The following PCGF5 variants were observed in gnomAD, a reference collection of about 807,000 sequenced individuals.
PCGF5 encodes polycomb group ring finger 5, also known as polycomb group RING finger protein 5.
In PCGF5, 9 loss-of-function variants were observed where a neutral mutation model predicts 44.3. That is an observed-to-expected ratio of 0.20 (90% CI 0.12 to 0.35). The LOEUF is 0.35. PCGF5 is among the 10% of genes least tolerant of loss of function. The probability of loss-of-function intolerance (pLI) is 1.00; values close to 1 mark genes in which losing one functional copy is unlikely to be tolerated. For synonymous variants in PCGF5, 95 were observed against 102.5 expected (o/e 0.93, Z 0.44); for missense variants, 146 against 305.3 (o/e 0.48, Z 3.89).
chr10:91,218,920 GCCAGGCCTATTATTATTTTTTTAA>G (rs2133266804), upstream of PCGF5, among the ~76,000 whole-genome samples: 1 of 152,256 alleles, frequency 6.6e-6, no homozygotes, highest in East Asian at 1.9e-4. Context: ...GAGCCACCGT[GCCAGGCCTATTATTATTTTTTTAA>G]CCAGACAAAT....
chr10:91,245,981 C>G (rs185863328), intron 3 of PCGF5, among the ~76,000 whole-genome samples: 6 of 152,180 alleles, frequency 3.9e-5, no homozygotes, highest in Admixed American at 2.0e-4. Flanking sequence ...TTTTATCCAG[C>G]CATGGGTGCC....
intron 1 of PCGF5, among the ~76,000 whole-genome samples, chr10:91,184,685 G>A (rs532171489): frequency 1.1e-4 from 16 of 151,614 alleles, no homozygotes; most frequent in African/African-American, 2.9e-4. Flanking sequence ...TCTCATCTTT[G>A]TGGGCTTATC....
intron 9 of PCGF5, among the ~76,000 whole-genome samples, chr10:91,274,985 A>T (rs114733039): frequency 6.6e-6 from 1 of 152,174 alleles, no homozygotes; most frequent in Non-Finnish European, 1.5e-5. Flanking sequence ...ATTTTAAATG[A>T]TACTATAAAA....
At chr10:91,246,337 A>G (rs35720089) in intron 3 of PCGF5, among the ~76,000 whole-genome samples, 4,494 of 152,280 alleles carry the variant, frequency 0.03, 99 homozygotes, top group Non-Finnish European at 0.045. Context: ...TACAGAGAGT[A>G]TTTGAGCCAG....
chr10:91,186,747 C>T (rs958185277), intron 1 of PCGF5, among the ~76,000 whole-genome samples: 6 of 152,208 alleles, frequency 3.9e-5, no homozygotes, highest in East Asian at 3.9e-4. Flanking sequence ...AAGCCAATGC[C>T]CTGCTCCGTA....
chr10:91,205,112 A>G (rs1457166213), intron 1 of PCGF5, among the ~76,000 whole-genome samples: 2 of 152,180 alleles, frequency 1.3e-5, no homozygotes, highest in Non-Finnish European at 2.9e-5. Context: ...AGATATGTAA[A>G]TACAGTTATT....
intron 2 of PCGF5, among the ~76,000 whole-genome samples, chr10:91,238,391 A>G (rs1399242315): frequency 6.6e-6 from 1 of 152,158 alleles, no homozygotes; most frequent in Non-Finnish European, 1.5e-5. Context: ...TTCTGGGAAG[A>G]TAGGGTCCTA....
chr10:91,209,806 G>GAA (rs1564634178), intron 1 of PCGF5, among the ~76,000 whole-genome samples: 151 of 524 alleles, frequency 0.29, 74 homozygotes, highest in Non-Finnish European at 0.31. Context: ...GAAAAACGAA[G>GAA]AAAGGAATTG....
intron 6 of PCGF5, 96 bp from the exon 7 acceptor site, chr10:91,261,230 A>C: frequency 3.0e-6 from 4 of 1,324,778 alleles, no homozygotes; most frequent in Non-Finnish European, 3.9e-6. Flanking sequence ...AAATACTCAA[A>C]ATGATAGTGA....
At chr10:91,157,888 C>A in the PCGF5 span, among the ~76,000 whole-genome samples, 1 of 152,096 alleles carries the variant, frequency 6.6e-6, no homozygotes, top group Admixed American at 6.5e-5. Context: ...GGATTCCTTC[C>A]AACTTCCTAG....
rs59254639 is a variant in PCGF5 at position 91,173,578 on chromosome 10, C to CTTTTTTT, written c.-184+10508_-184+10514dup. ...TTATTCTTCTGCTAGAGGGAGTTGGCTTTTTTTTTTTTTTTTTCCCACAGA... is the reference window on the plus strand; with the variant it reads ...TTATTCTTCTGCTAGAGGGAGTTGGCTTTTTTTTTTTTTTTTTTTTTTTTCCCACAGA... On this transcript the variant is annotated intron_variant, in intron 1 of 9. Coordinates refer to the PCGF5 transcript ENST00000614189. Among the ~76,000 whole-genome samples, 214 of 115,628 alleles carry CTTTTTTT rather than the reference C, an allele frequency of 1.9e-3. 11 individuals are homozygous for CTTTTTTT. Among genetic ancestry groups the CTTTTTTT allele is most frequent in the African/African-American group, 5.9e-3 (172 of 29,302 alleles). 75.9% of individuals were successfully genotyped at this position (115,628 alleles called of 152,430 possible).
chr10:91,252,117 T>C (rs1318581273), intron 6 of PCGF5, among the ~76,000 whole-genome samples: 4 of 152,040 alleles, frequency 2.6e-5, no homozygotes, highest in Non-Finnish European at 5.9e-5. Context: ...TCTACCTTTT[T>C]ATTACAAGCA....
intron 9 of PCGF5, among the ~76,000 whole-genome samples, chr10:91,273,226 T>C (rs1209211391): frequency 1.3e-5 from 2 of 152,232 alleles, no homozygotes. Flanking sequence ...TTAACTGAGC[T>C]GGTGAGATTT....
At chr10:91,264,577 T>G in intron 8 of PCGF5, 57 bp downstream of exon 8, 1 of 1,320,966 alleles carries the variant, frequency 7.6e-7, no homozygotes, top group South Asian at 1.3e-5. Flanking sequence ...ATTATGTTAC[T>G]CAAATTTAAC....
At chr10:91,206,034 A>C (rs1844341944) in intron 1 of PCGF5, among the ~76,000 whole-genome samples, 1 of 152,232 alleles carries the variant, frequency 6.6e-6, no homozygotes, top group African/African-American at 2.4e-5. Flanking sequence ...AACAAACAAA[A>C]AAACTAAAAG....
intron 2 of PCGF5, among the ~76,000 whole-genome samples, chr10:91,229,902 A>T (rs1844953809): frequency 1.3e-5 from 2 of 152,296 alleles, no homozygotes; most frequent in African/African-American, 4.8e-5. Context: ...TGGTATACTG[A>T]TGTTACATAT....
At chr10:91,253,754 G>C (rs1023178958) in intron 6 of PCGF5, among the ~76,000 whole-genome samples, 1 of 151,938 alleles carries the variant, frequency 6.6e-6, no homozygotes, top group South Asian at 2.1e-4. Context: ...GTTATCCAGG[G>C]CTAGGGCCAC....
At chr10:91,166,863 A>T (rs534932969) in intron 1 of PCGF5, among the ~76,000 whole-genome samples, 13 of 152,226 alleles carry the variant, frequency 8.5e-5, no homozygotes, top group Non-Finnish European at 1.3e-4. Flanking sequence ...TGTGTGGTGT[A>T]TAAAAGGCTC....
In PCGF5 at chr10:91,280,542, T is replaced by C. The variant is rs1447718519; in HGVS notation, c.*2226T>C. ...ACATTTTTATTGAAATGCAATGGAA[T>C]ATGTGCCAAAACACGTGAAAAGCTT... On this transcript the variant is annotated 3_prime_UTR_variant, in exon 10 of 10. Coordinates refer to ENST00000336126, the MANE Select transcript of PCGF5 (RefSeq NM_032373.5). 3 of 152,502 alleles carry C rather than the reference T, an allele frequency of 2.0e-5. No individual in the cohort carries two copies. Among genetic ancestry groups the C allele is most frequent in the Non-Finnish European group, 4.4e-5 (3 of 67,888 alleles). 9.4% of individuals were successfully genotyped at this position (152,502 alleles called of 1,614,324 possible).
Sources: allele counts gnomAD v4.1 joint callset (sites outside exome capture counted in the v4.1 genomes callset), GRCh38; gene constraint gnomAD v4.1.1; transcripts MANE v1.5; gene names NCBI Gene and HGNC (gene_info 2026-07-23, HGNC 2026-07-21).